The following CCDC171 variants were observed in gnomAD, a reference collection of about 807,000 sequenced individuals.
CCDC171 encodes the protein coiled-coil domain containing 171.
CCDC171 carries 177 observed loss-of-function variants against 168.2 expected under a neutral mutation model. The observed-to-expected ratio is 1.05, with a 90% CI of 0.93 to 1.19. CCDC171 has a LOEUF of 1.19. CCDC171 is among the 50% of genes most tolerant of loss of function. The pLI, the probability that CCDC171 is intolerant of heterozygous loss-of-function variation, is 0.00. For missense variants in CCDC171, 1,991 were observed against 1,539.0 expected (o/e 1.29, Z -4.91); for synonymous variants, 687 against 540.8 (o/e 1.27, Z -3.75).
At chr9:15,714,346 C>T (rs561656076) in intron 11 of CCDC171, among the ~76,000 whole-genome samples, 2 of 152,288 alleles carry the variant, frequency 1.3e-5, no homozygotes, top group Non-Finnish European at 2.9e-5. Flanking sequence ...ACTGTGGACA[C>T]TGTGCCAGTT....
chr9:15,860,360 T>G (rs973626630), intron 23 of CCDC171, among the ~76,000 whole-genome samples: 3 of 151,844 alleles, frequency 2.0e-5, no homozygotes, highest in Non-Finnish European at 2.9e-5. Flanking sequence ...TTAAATCGTT[T>G]ATGCGACATC....
intron 6 of CCDC171, among the ~76,000 whole-genome samples, chr9:15,615,333 A>C (rs775283492): frequency 9.9e-5 from 15 of 152,040 alleles, no homozygotes; most frequent in Non-Finnish European, 2.1e-4. Flanking sequence ...CATCTCTACT[A>C]TTTTAGGAAA....
the CCDC171 span, among the ~76,000 whole-genome samples, chr9:16,089,335 C>T: frequency 6.6e-6 from 1 of 151,962 alleles, no homozygotes; most frequent in Admixed American, 6.6e-5. Flanking sequence ...GTTGCCTGTT[C>T]ACTCTGATGG....
chr9:15,812,098 A>G (rs1450749364), intron 21 of CCDC171, among the ~76,000 whole-genome samples: 2 of 152,186 alleles, frequency 1.3e-5, no homozygotes, highest in Non-Finnish European at 2.9e-5. Context: ...AAGAGAAGTG[A>G]GCTCAGGAAA....
chr9:15,984,547 G>A (rs9407702), intron 3 of CCDC171, among the ~76,000 whole-genome samples: 75,028 of 151,842 alleles, frequency 0.49, 19,878 homozygotes, highest in African/African-American at 0.7. Flanking sequence ...TGAGGAAATA[G>A]CTAGAGAGCT....
At chr9:16,016,661 G>T (rs1424680232) in intron 3 of CCDC171, among the ~76,000 whole-genome samples, 5 of 152,162 alleles carry the variant, frequency 3.3e-5, no homozygotes, top group African/African-American at 7.2e-5. Flanking sequence ...AGCATGTGTT[G>T]CTGGTGTCTG....
intron 4 of CCDC171, among the ~76,000 whole-genome samples, chr9:15,585,195 A>G (rs2041461077): frequency 6.6e-6 from 1 of 151,922 alleles, no homozygotes; most frequent in Non-Finnish European, 1.5e-5. Context: ...CGTTTCTTTT[A>G]AAATAAACAT....
intron 24 of CCDC171, among the ~76,000 whole-genome samples, chr9:15,906,120 C>A (rs1015994420): frequency 6.6e-6 from 1 of 152,350 alleles, no homozygotes; most frequent in East Asian, 1.9e-4. Flanking sequence ...ACCATTCCTT[C>A]TGAAACTATT....
chr9:15,691,544 TTTTATA>T (rs1477547238), intron 10 of CCDC171, among the ~76,000 whole-genome samples: 5 of 87,792 alleles, frequency 5.7e-5, no homozygotes, highest in Admixed American at 2.0e-4. Context: ...AATATATGTT[TTTTATA>T]TATATATATA....
intron 21 of CCDC171, among the ~76,000 whole-genome samples, chr9:15,814,033 C>T (rs1340366221): frequency 1.3e-5 from 2 of 152,198 alleles, no homozygotes; most frequent in Non-Finnish European, 2.9e-5. Flanking sequence ...GGCCCCTTGA[C>T]ACTTGTGTGG....
chr9:15,625,101 G>A (rs1236996251), intron 7 of CCDC171, among the ~76,000 whole-genome samples: 1 of 152,164 alleles, frequency 6.6e-6, no homozygotes, highest in African/African-American at 2.4e-5. Context: ...TCTGTTGGCT[G>A]CATAAATGTC....
At chr9:16,082,642 G>A in the CCDC171 span, among the ~76,000 whole-genome samples, 15 of 152,204 alleles carry the variant, frequency 9.9e-5, no homozygotes, top group Non-Finnish European at 1.5e-4. Flanking sequence ...TTATATATCT[G>A]TGGAGAGTGT....
At chr9:15,866,076 A>G (rs773056849) in intron 23 of CCDC171, among the ~76,000 whole-genome samples, 1 of 151,974 alleles carries the variant, frequency 6.6e-6, no homozygotes, top group Non-Finnish European at 1.5e-5. Context: ...TCTAAGTTCA[A>G]TATTAAATGC....
chr9:15,896,719 C>T (rs1253472157), intron 24 of CCDC171, among the ~76,000 whole-genome samples: 1 of 152,086 alleles, frequency 6.6e-6, no homozygotes, highest in Non-Finnish European at 1.5e-5. Context: ...TGTGTATACA[C>T]TGCATTCAGT....
chr9:15,607,452 C>G (rs972086841), intron 6 of CCDC171, among the ~76,000 whole-genome samples: 1 of 151,844 alleles, frequency 6.6e-6, no homozygotes, highest in Non-Finnish European at 1.5e-5. Flanking sequence ...CTTTGTCAAA[C>G]TTATATTTTT....
chr9:15,563,925 C>G, intron 1 of CCDC171, 53 bp from the exon 2 acceptor site: 1 of 583,622 alleles, frequency 1.7e-6, no homozygotes, highest in Non-Finnish European at 3.0e-6. Context: ...CAAGAAAAAT[C>G]TCCAATAGTA....
intron 21 of CCDC171, among the ~76,000 whole-genome samples, chr9:15,822,142 G>C (rs2059802441): frequency 6.6e-6 from 1 of 152,174 alleles, no homozygotes; most frequent in South Asian, 2.1e-4. Flanking sequence ...GTAGAAAGCT[G>C]ACACTGGATC....
intron 18 of CCDC171, among the ~76,000 whole-genome samples, chr9:15,751,219 C>G (rs546846666): frequency 1.3e-5 from 2 of 152,150 alleles, no homozygotes; most frequent in Non-Finnish European, 2.9e-5. Flanking sequence ...ATCCAACTTA[C>G]AAGGGATGTG....
At chr9:15,956,858 C>A (rs1346414130) in intron 25 of CCDC171, among the ~76,000 whole-genome samples, 1 of 151,914 alleles carries the variant, frequency 6.6e-6, no homozygotes, top group African/African-American at 2.4e-5. Context: ...GTCAGATGCC[C>A]CTTTTTTAAT....
Sources: allele counts gnomAD v4.1 joint callset (sites outside exome capture counted in the v4.1 genomes callset), GRCh38; gene constraint gnomAD v4.1.1; transcripts MANE v1.5; gene names NCBI Gene and HGNC (gene_info 2026-07-23, HGNC 2026-07-21).